PAPSS2: variants seen among roughly 807,000 people sequenced by gnomAD.
PAPSS2 encodes the protein bifunctional 3'-phosphoadenosine 5'-phosphosulfate synthase 2.
PAPSS2 carries 61 observed loss-of-function variants against 66.5 expected under a neutral mutation model. The ratio of observed to expected loss-of-function variants is 0.92; its 90% CI spans 0.75 to 1.14. The LOEUF is 1.14. Among genes scored for constraint, PAPSS2 ranks in the 50% most tolerant of loss-of-function variants. The pLI is 0.00. For synonymous variants in PAPSS2, 289 were observed against 287.5 expected (o/e 1.01, Z -0.05); for missense variants, 708 against 789.6 (o/e 0.90, Z 1.24).
intron 1 of PAPSS2, among the ~76,000 whole-genome samples, chr10:87,661,721 G>A (rs1027700627): frequency 1.3e-5 from 2 of 152,174 alleles, no homozygotes; most frequent in African/African-American, 4.8e-5. Context: ...AAATTTGAGG[G>A]CCGGAGGGTT....
intron 1 of PAPSS2, among the ~76,000 whole-genome samples, chr10:87,668,238 G>A: frequency 6.6e-6 from 1 of 152,126 alleles, no homozygotes; most frequent in Non-Finnish European, 1.5e-5. Context: ...TCTGCTGGGG[G>A]TCCCATGTGT....
At chr10:87,707,566 T>C (rs1028127202) in intron 1 of PAPSS2, among the ~76,000 whole-genome samples, 6 of 45,206 alleles carry the variant, frequency 1.3e-4, no homozygotes, top group African/African-American at 7.6e-4. Flanking sequence ...TTTTTTTTCT[T>C]TTTTTTTTTT....
At chr10:87,670,337 G>A (rs1333875433) in intron 1 of PAPSS2, among the ~76,000 whole-genome samples, 1 of 152,182 alleles carries the variant, frequency 6.6e-6, no homozygotes, top group African/African-American at 2.4e-5. Flanking sequence ...ATTTGACCCA[G>A]TTCAAGGTCG....
At position 87,688,564 on chromosome 10, in the gene PAPSS2, G is replaced by A. The variant is rs368696148; in HGVS notation, c.28-20632G>A. Among the ~76,000 whole-genome samples, 56 of 151,706 alleles carry A rather than the reference G, an allele frequency of 3.7e-4. No individual in the cohort carries two copies. The East Asian group carries it at 4.5e-3, about 12-fold the overall frequency. The stretch of plus-strand genomic sequence containing the variant: ...AAGCTCCGCCCCCCGGGTTCATGCC[G>A]TTCTCCTGCCTCAGCCTCCCCAGTA... On this transcript the variant is annotated intron_variant, in intron 1 of 12. Transcript: ENST00000456849.
At chr10:87,667,667 T>G (rs1451265468) in intron 1 of PAPSS2, among the ~76,000 whole-genome samples, 1 of 152,222 alleles carries the variant, frequency 6.6e-6, no homozygotes, top group African/African-American at 2.4e-5. Context: ...TGAAGTTGAT[T>G]TTGCTGTAAT....
intron 1 of PAPSS2, among the ~76,000 whole-genome samples, chr10:87,671,112 T>C (rs1029069482): frequency 6.6e-6 from 1 of 152,180 alleles, no homozygotes; most frequent in Non-Finnish European, 1.5e-5. Flanking sequence ...ACTAAGTAAC[T>C]TGCCTCAGGA....
chr10:87,687,487 A>G (rs11202507), intron 1 of PAPSS2, among the ~76,000 whole-genome samples: 18,861 of 152,226 alleles, frequency 0.12, 1,340 homozygotes, highest in South Asian at 0.28. Flanking sequence ...CAGAAAGACA[A>G]ATAGCATGTT....
chr10:87,665,740 AC>A (rs201301348), intron 1 of PAPSS2, among the ~76,000 whole-genome samples: 6,053 of 152,002 alleles, frequency 0.04, 161 homozygotes, highest in Non-Finnish European at 0.06. Context: ...CTTGAGGAAG[AC>A]CTTTTTTTAT....
Position 87,740,322 on chromosome 10 carries a change from CAT to C in PAPSS2, c.1087-912_1087-911del, listed in dbSNP as rs557477966. The stretch of plus-strand genomic sequence containing the variant: ...GATGAGACTAGTAGTGATATTAACA[CAT>C]GTGTGTGTTTAAAAATCCTGTAATG... On this transcript the variant is annotated intron_variant, in intron 9 of 12. Coordinates refer to ENST00000456849, the MANE Select transcript of PAPSS2 (RefSeq NM_001015880.2). Among the ~76,000 whole-genome samples, 447 of 148,018 alleles carry C rather than the reference CAT, an allele frequency of 3.0e-3. 6 individuals are homozygous for C. Among genetic ancestry groups the C allele is most frequent in the Middle Eastern group, 0.021 (6 of 290 alleles).
chr10:87,725,914 C>CACACACACACACACACACATATTT (rs1853653945), intron 8 of PAPSS2, among the ~76,000 whole-genome samples: 1 of 151,022 alleles, frequency 6.6e-6, no homozygotes, highest in Non-Finnish European at 1.5e-5. Flanking sequence ...CACACACACA[C>CACACACACACACACACACATATTT]ATATTTTTTG....
chr10:87,675,261 C>A (rs137975505), intron 1 of PAPSS2, among the ~76,000 whole-genome samples: 193 of 152,298 alleles, frequency 1.3e-3, no homozygotes, highest in African/African-American at 4.5e-3. Flanking sequence ...AAATCATTCT[C>A]TTGGTTTATA....
intron 9 of PAPSS2, among the ~76,000 whole-genome samples, chr10:87,730,589 A>AC (rs1853716713): frequency 6.6e-6 from 1 of 152,308 alleles, no homozygotes; most frequent in African/African-American, 2.4e-5. Flanking sequence ...ATGCAAATGT[A>AC]CCCCACAAAA....
intron 1 of PAPSS2, among the ~76,000 whole-genome samples, chr10:87,690,581 G>A (rs934669286): frequency 6.6e-6 from 1 of 152,176 alleles, no homozygotes; most frequent in East Asian, 1.9e-4. Flanking sequence ...AATATAGCAT[G>A]AGCTAGGTCC....
chr10:87,727,342 ACGGCTGGAAGGGTGCAG>A lies in PAPSS2; in HGVS notation c.941_957del (p.Arg314GlnfsTer18). On this transcript the variant is annotated frameshift_variant, in exon 9 of 13. Transcript: ENST00000456849. LOFTEE classifies it high-confidence loss of function. ...TGCCCGTCTCTGCAGAGGATAAGACACGGCTGGAAGGGTGCAGCAAGTTTGTCCTGGCACATGGTGGA... is the reference window on the plus strand; with the variant it reads ...TGCCCGTCTCTGCAGAGGATAAGACACAAGTTTGTCCTGGCACATGGTGGA... 6.2e-7 allele frequency: 1 copy of A among 1,614,074 alleles called. No homozygotes were observed. The highest frequency in any genetic ancestry group is 1.3e-5 in the African/African-American group (1 of 75,030).
At chr10:87,681,415 G>A (rs1398059316) in intron 1 of PAPSS2, among the ~76,000 whole-genome samples, 2 of 152,112 alleles carry the variant, frequency 1.3e-5, no homozygotes, top group Non-Finnish European at 2.9e-5. Context: ...TATAGCCTTG[G>A]TCATAGACAA....
chr10:87,674,608 G>A (rs987269443), intron 1 of PAPSS2, among the ~76,000 whole-genome samples: 21 of 151,980 alleles, frequency 1.4e-4, no homozygotes, highest in African/African-American at 2.4e-4. Context: ...AGATTATATC[G>A]TTGCAGATAT....
At chr10:87,702,226 C>T (rs1853327630) in intron 1 of PAPSS2, among the ~76,000 whole-genome samples, 1 of 152,170 alleles carries the variant, frequency 6.6e-6, no homozygotes, top group Admixed American at 6.5e-5. Context: ...TGACAAAGAG[C>T]TCACATAACT....
intron 1 of PAPSS2, among the ~76,000 whole-genome samples, chr10:87,662,225 CT>C (rs1852760769): frequency 6.6e-6 from 1 of 152,040 alleles, no homozygotes; most frequent in Non-Finnish European, 1.5e-5. Context: ...TGTTGAGCAC[CT>C]ACTGTATGCC....
At chr10:87,725,912 CACAT>C (rs1212864391) in intron 8 of PAPSS2, among the ~76,000 whole-genome samples, 1 of 151,740 alleles carries the variant, frequency 6.6e-6, no homozygotes, top group Non-Finnish European at 1.5e-5. Flanking sequence ...CACACACACA[CACAT>C]ATTTTTTGGT....
Sources: allele counts gnomAD v4.1 joint callset (sites outside exome capture counted in the v4.1 genomes callset), GRCh38; gene constraint gnomAD v4.1.1; transcripts MANE v1.5; gene names NCBI Gene and HGNC (gene_info 2026-07-23, HGNC 2026-07-21).